Variants in NREP observed in about 807,000 individuals in gnomAD.
NREP encodes neuronal regeneration related protein.
In NREP, 5 loss-of-function variants were observed where a neutral mutation model predicts 8.6. That is an observed-to-expected ratio of 0.58 (90% CI 0.30 to 1.22). The LOEUF (loss-of-function observed/expected upper bound fraction) is 1.22, where lower values mean the gene tolerates loss of function less well. NREP is among the 50% of genes most tolerant of loss of function. The pLI is 0.07. For missense variants in NREP, 86 were observed against 82.5 expected (o/e 1.04, Z -0.17); for synonymous variants, 27 against 28.0 (o/e 0.96, Z 0.11).
intron 2 of NREP, among the ~76,000 whole-genome samples, chr5:111,787,114 A>G (rs945076710): frequency 6.6e-6 from 1 of 152,134 alleles, no homozygotes; most frequent in African/African-American, 2.4e-5. Flanking sequence ...TCTCTGTCCT[A>G]TATTCTCAGC....
chr5:111,912,134 T>C (rs886148026), intron 2 of NREP, among the ~76,000 whole-genome samples: 4 of 152,132 alleles, frequency 2.6e-5, no homozygotes, highest in Non-Finnish European at 5.9e-5. Context: ...CCTTGAACTT[T>C]TGTTGGCCAG....
chr5:111,824,326 G>A (rs923906874), intron 2 of NREP, among the ~76,000 whole-genome samples: 1 of 152,124 alleles, frequency 6.6e-6, no homozygotes, highest in Non-Finnish European at 1.5e-5. Context: ...CAGAAATCAC[G>A]CCACTGCACT....
intron 2 of NREP, among the ~76,000 whole-genome samples, chr5:111,946,613 C>T (rs1356665714): frequency 2.0e-5 from 3 of 151,942 alleles, no homozygotes; most frequent in African/African-American, 7.2e-5. Context: ...TAAAGAAAGC[C>T]CAGGGACGTC....
intron 2 of NREP, among the ~76,000 whole-genome samples, chr5:111,928,706 T>C (rs376825376): frequency 2.4e-4 from 37 of 152,224 alleles, no homozygotes; most frequent in African/African-American, 7.9e-4. Flanking sequence ...CAATGCACCA[T>C]AGTCAAATTT....
At chr5:111,968,373 C>A (rs1243365464) in intron 2 of NREP, among the ~76,000 whole-genome samples, 1 of 152,046 alleles carries the variant, frequency 6.6e-6, no homozygotes, top group East Asian at 1.9e-4. Flanking sequence ...TGGCTAAGTC[C>A]ATAACATTTC....
intron 2 of NREP, among the ~76,000 whole-genome samples, chr5:111,871,053 C>CGTGTGTGTGTGTGTGTGTGTGTGT (rs34667486): frequency 7.0e-6 from 1 of 142,610 alleles, no homozygotes; most frequent in African/African-American, 2.6e-5. Flanking sequence ...GAACCAATGG[C>CGTGTGTGTGTGTGTGTGTGTGTGT]GTGTGTGTGT....
chr5:111,758,293 A>ATAC, upstream of NREP: 1 of 979,830 alleles, frequency 1.0e-6, no homozygotes, highest in African/African-American at 1.7e-5. Flanking sequence ...GGCCCAAGAC[A>ATAC]TACTCCCCTG....
chr5:111,878,213 A>C (rs949643836), intron 2 of NREP, among the ~76,000 whole-genome samples: 1 of 152,214 alleles, frequency 6.6e-6, no homozygotes, highest in Non-Finnish European at 1.5e-5. Flanking sequence ...ATATTCATAT[A>C]ATAGATGTAC....
At chr5:111,819,126 C>A (rs2112922432) in intron 2 of NREP, among the ~76,000 whole-genome samples, 1 of 152,294 alleles carries the variant, frequency 6.6e-6, no homozygotes, top group African/African-American at 2.4e-5. Context: ...TTTCAGTAAA[C>A]AACTTTCCCA....
intron 2 of NREP, among the ~76,000 whole-genome samples, chr5:111,921,525 G>A (rs1452900030): frequency 2.0e-5 from 3 of 151,676 alleles, no homozygotes; most frequent in Admixed American, 6.6e-5. Context: ...CAGTTAAGAG[G>A]TCTAGTCCCC....
chr5:111,931,092 C>T (rs1755524134), intron 2 of NREP, among the ~76,000 whole-genome samples: 1 of 152,018 alleles, frequency 6.6e-6, no homozygotes, highest in African/African-American at 2.4e-5. Context: ...ATAATCCAGG[C>T]ACTGTCTTAT....
At chr5:111,882,647 C>T (rs985305998) in intron 2 of NREP, among the ~76,000 whole-genome samples, 3 of 152,234 alleles carry the variant, frequency 2.0e-5, no homozygotes, top group Non-Finnish European at 2.9e-5. Flanking sequence ...AGAAACTCTA[C>T]AAGCCAGAAA....
chr5:111,761,674 C>T (rs1750962930), upstream of NREP, among the ~76,000 whole-genome samples: 2 of 152,160 alleles, frequency 1.3e-5, no homozygotes, highest in Admixed American at 1.3e-4. Context: ...CCCTTTCTTC[C>T]TTCTCAACGA....
chr5:111,936,924 G>T (rs1342072896), intron 2 of NREP, among the ~76,000 whole-genome samples: 1 of 152,038 alleles, frequency 6.6e-6, no homozygotes. Flanking sequence ...TCTCACTCAT[G>T]GAAGTGTTTT....
chr5:111,904,518 T>A (rs1373508253), intron 2 of NREP, among the ~76,000 whole-genome samples: 2 of 152,120 alleles, frequency 1.3e-5, no homozygotes, highest in Non-Finnish European at 2.9e-5. Flanking sequence ...GTATGTAGGC[T>A]TTTCAGGCTG....
chr5:111,903,356 A>T (rs1055327262), intron 2 of NREP, among the ~76,000 whole-genome samples: 1 of 152,044 alleles, frequency 6.6e-6, no homozygotes, highest in African/African-American at 2.4e-5. Context: ...AAGTGCTGGG[A>T]TTACAGGTGT....
chr5:111,873,986 T>A (rs1753848004), intron 2 of NREP, among the ~76,000 whole-genome samples: 1 of 150,744 alleles, frequency 6.6e-6, no homozygotes, highest in South Asian at 2.1e-4. Context: ...AACAACAGCT[T>A]AAAGATGAGG....
At position 111,884,144 on chromosome 5, in the gene NREP, C is replaced by G. The variant is rs936159194; in HGVS notation, c.135+91130G>C. The stretch of plus-strand genomic sequence containing the variant: ...CAATAAAAAATGATAAAGGGGATAT[C>G]ACCACCGATCCCACAGAAATACAAA... On this transcript the variant is annotated intron_variant, in intron 2 of 3. Coordinates refer to the NREP transcript ENST00000395634. 1.9e-4 allele frequency among the ~76,000 whole-genome samples: 29 copies of G among 151,932 alleles called. 1 individual carries two copies. The highest frequency in any genetic ancestry group is 6.8e-4 in the African/African-American group (28 of 41,332).
intron 2 of NREP, among the ~76,000 whole-genome samples, chr5:111,783,844 G>C (rs375656625): frequency 1.3e-5 from 2 of 152,134 alleles, no homozygotes; most frequent in African/African-American, 4.8e-5. Context: ...GTGTTTAAAT[G>C]AATGAATAAT....
Sources: allele counts gnomAD v4.1 joint callset (sites outside exome capture counted in the v4.1 genomes callset), GRCh38; gene constraint gnomAD v4.1.1; transcripts MANE v1.5; gene names NCBI Gene and HGNC (gene_info 2026-07-23, HGNC 2026-07-21).